Variants in PPP1R16A observed in about 807,000 individuals in gnomAD.
PPP1R16A encodes myosin phosphatase-targeting subunit 3.
A neutral mutation model predicts 46.6 loss-of-function variants in PPP1R16A; 39 were observed. That is an observed-to-expected ratio of 0.84 (90% CI 0.65 to 1.09). PPP1R16A has a LOEUF of 1.09. Ranked by LOEUF, PPP1R16A falls within the 50% of genes least tolerant of loss-of-function variation. The pLI, the probability that PPP1R16A is intolerant of heterozygous loss-of-function variation, is 0.00. For missense variants in PPP1R16A, 798 were observed against 735.6 expected (o/e 1.08, Z -0.98); for synonymous variants, 413 against 321.5 (o/e 1.28, Z -3.04).
chr8:144,498,100 A>G, intron 3 of PPP1R16A: 1 of 456,158 alleles, frequency 2.2e-6, no homozygotes, highest in Non-Finnish European at 4.4e-6. Flanking sequence ...GCAGAGAGTA[A>G]AGAGGAGCCG....
Position 144,498,756 on chromosome 8 carries a change from C to T in PPP1R16A, c.260-14C>T. On this transcript the variant is annotated splice_polypyrimidine_tract_variant and intron_variant, in intron 3 of 11. Transcript: ENST00000435887. ...GGGGCAGGACCCTGTCCTCACCTCGCCACCTTTTTGCAGTCCGCCAGTTCC... is the reference window on the plus strand; with the variant it reads ...GGGGCAGGACCCTGTCCTCACCTCGTCACCTTTTTGCAGTCCGCCAGTTCC... The T allele has an allele frequency of 1.3e-6, 2 of 1,569,460 alleles. No individual in the cohort carries two copies. Among genetic ancestry groups the T allele is most frequent in the Non-Finnish European group, 8.7e-7 (1 of 1,151,354 alleles).
At position 144,501,936 on chromosome 8, in the gene PPP1R16A, G is replaced by C; in HGVS notation, c.*33G>C. ...GCTCAGCATGCAGGGGCCCTGTCGC[G>C]GGCACAGCCCAAGGCTGCCTCCCCA... On this transcript the variant is annotated 3_prime_UTR_variant, in exon 12 of 12. Transcript: ENST00000435887. The C allele has an allele frequency of 1.3e-6, 2 of 1,484,634 alleles. No homozygotes were observed. Among genetic ancestry groups the C allele is most frequent in the East Asian group, 2.5e-5 (1 of 40,420 alleles). The allele number at this position is 1,484,634 out of a possible 1,614,324, so 92.0% of individuals were successfully genotyped here.
intron 5 of PPP1R16A, chr8:144,499,717 C>T: frequency 4.2e-6 from 1 of 240,320 alleles, no homozygotes; most frequent in Non-Finnish European, 8.1e-6. Context: ...CACCGCCCTT[C>T]TTCCCTGGGG....
chr8:144,481,588 G>A (rs1439526602), intron 1 of PPP1R16A, among the ~76,000 whole-genome samples: 1 of 151,872 alleles, frequency 6.6e-6, no homozygotes, highest in Non-Finnish European at 1.5e-5. Flanking sequence ...AGGTTGCGGT[G>A]AGCCGAGATC....
At chr8:144,491,170 T>C (rs757342545) in intron 2 of PPP1R16A, among the ~76,000 whole-genome samples, 8 of 152,212 alleles carry the variant, frequency 5.3e-5, no homozygotes, top group Non-Finnish European at 8.8e-5. Context: ...CATTCTCCCA[T>C]GGACATTGAG....
chr8:144,498,164 G>A (rs1401262277), intron 3 of PPP1R16A: 1 of 440,202 alleles, frequency 2.3e-6, no homozygotes, highest in Non-Finnish European at 4.6e-6. Context: ...CGGGAGGCCT[G>A]GAGGCAGAGG....
chr8:144,479,353 G>C (rs1564755605), intron 1 of PPP1R16A: 2 of 152,892 alleles, frequency 1.3e-5, no homozygotes, highest in Non-Finnish European at 2.9e-5. Flanking sequence ...AGTCCCCCGG[G>C]CTGGGGTTGG....
intron 1 of PPP1R16A, among the ~76,000 whole-genome samples, chr8:144,485,003 G>A (rs1055167): frequency 0.39 from 59,007 of 151,830 alleles, 13,048 homozygotes; most frequent in South Asian, 0.53. Context: ...CGTGGCTCAC[G>A]CCTGTCATCC....
At position 144,500,836 on chromosome 8, in the gene PPP1R16A, T is replaced by G. The variant is rs1215296010; in HGVS notation, c.908-6T>G. 1 of 1,584,796 alleles carries G rather than the reference T, an allele frequency of 6.3e-7. No homozygotes were observed. Among genetic ancestry groups the G allele is most frequent in the Non-Finnish European group, 8.6e-7 (1 of 1,166,772 alleles). ...GGCGCCCCTGACGCCTGCGCCCACTTCTCAGATGTGTGCGGGGACGAGGAG... is the reference window on the plus strand; with the variant it reads ...GGCGCCCCTGACGCCTGCGCCCACTGCTCAGATGTGTGCGGGGACGAGGAG... On this transcript the variant is annotated splice_region_variant and splice_polypyrimidine_tract_variant and intron_variant, in intron 9 of 11. Coordinates refer to ENST00000435887, the MANE Select transcript of PPP1R16A (RefSeq NM_001329443.2).
At chr8:144,497,548 C>T (rs1296200420) in intron 3 of PPP1R16A, 95 bp downstream of exon 3, 1 of 1,534,784 alleles carries the variant, frequency 6.5e-7, no homozygotes, top group South Asian at 1.1e-5. Flanking sequence ...CTGGGCCTGT[C>T]CACAGCTCCT....
Position 144,500,405 on chromosome 8 carries a change from G to T in PPP1R16A, c.705+14G>T. The T allele has an allele frequency of 6.6e-7, 1 of 1,520,392 alleles. No homozygotes were observed. The highest frequency in any genetic ancestry group is 2.5e-5 in the East Asian group (1 of 40,704). The allele number at this position is 1,520,392 out of a possible 1,614,324, so 94.2% of individuals were successfully genotyped here. On this transcript the variant is annotated intron_variant, in intron 7 of 11. Transcript: ENST00000435887. ...GGGGCCACGCTGGTGAGGGCTGGGG[G>T]GTGAGGGGCACACGGGGCTGGGGGC... is the stretch of plus-strand genomic sequence containing the variant.
chr8:144,501,655 C>T lies in PPP1R16A; in HGVS notation c.1339C>T (p.Leu447=). Residue 447 remains leucine, a synonymous_variant, in exon 12 of 12, where the codon CTG becomes TTG. Coordinates refer to ENST00000435887, the MANE Select transcript of PPP1R16A (RefSeq NM_001329443.2). ...SPLDSTTPHT[L]VHDKAHHTLA... ...CCTGGACAGCACCACCCCCCACACC[C>T]TGGTCCACGACAAGGCCCACCACAC... 2 of 1,610,884 alleles carry T rather than the reference C, an allele frequency of 1.2e-6. No individual in the cohort carries two copies. The highest frequency in any genetic ancestry group is 2.2e-5 in the East Asian group (1 of 44,604).
rs1261910248 is a variant in PPP1R16A, at chr8:144,501,260, A to G, written c.1169A>G (p.Gln390Arg). The G allele has an allele frequency of 6.2e-7, 1 of 1,601,160 alleles. No individual in the cohort carries two copies. Among genetic ancestry groups the G allele is most frequent in the East Asian group, 2.2e-5 (1 of 44,616 alleles). ...CCGCCCGAGGACAACGATGACCGCC[A>G]GACAGGCGCAGAGCTCAGGCCGCCG... ...PEPPEDNDDR[Q>R]TGAELRPPPP... is the part of the protein sequence containing the mutation. Residue 390 changes from glutamine to arginine, a missense_variant, in exon 11 of 12, where the codon CAG (glutamine) becomes CGG (arginine). Gln to Arg is a conservative substitution (Grantham distance 43). Coordinates refer to ENST00000435887, the MANE Select transcript of PPP1R16A (RefSeq NM_001329443.2).
chr8:144,482,840 G>A (rs1486701360), intron 1 of PPP1R16A, among the ~76,000 whole-genome samples: 1 of 152,080 alleles, frequency 6.6e-6, no homozygotes, highest in Non-Finnish European at 1.5e-5. Flanking sequence ...GTAGAGACGG[G>A]TTTCACCATG....
rs756534929 is a variant in PPP1R16A at position 144,499,012 on chromosome 8, GCTGCGGCCAC to G, written c.442_451del (p.Gly148ThrfsTer108). The stretch of plus-strand genomic sequence containing the variant: ...CAGTGAGTGCTGGACGCCTCTGCAT[GCTGCGGCCAC>G]CTGCGGCCACCTGCACCTGGTGGAG... On this transcript the variant is annotated frameshift_variant, in exon 5 of 12. Transcript: ENST00000435887. LOFTEE classifies it high-confidence loss of function. 6.2e-5 allele frequency: 99 copies of G among 1,594,970 alleles called. No homozygotes were observed. The highest frequency in any genetic ancestry group is 7.7e-5 in the South Asian group (7 of 90,738).
intron 2 of PPP1R16A, among the ~76,000 whole-genome samples, chr8:144,494,399 A>G (rs2130399763): frequency 6.6e-6 from 1 of 151,610 alleles, no homozygotes; most frequent in African/African-American, 2.4e-5. Context: ...TGCAGCCTCT[A>G]CCTCCCGGGC....
intron 1 of PPP1R16A, among the ~76,000 whole-genome samples, chr8:144,488,327 A>G (rs1362643481): frequency 1.3e-5 from 2 of 152,182 alleles, no homozygotes; most frequent in Non-Finnish European, 2.9e-5. Context: ...AGGCAAGGGA[A>G]GCAGATTTCT....
rs1410733459 is a variant in PPP1R16A, at chr8:144,492,841, C to A, written c.-735+2629C>A. On this transcript the variant is annotated intron_variant, in intron 2 of 11. Transcript: ENST00000435887. ...TTTTCTTTCTTTGAATGGCATGCGGCCTCTACCTGTCCCTTGTCCCTATCT... is the reference window on the plus strand; with the variant it reads ...TTTTCTTTCTTTGAATGGCATGCGGACTCTACCTGTCCCTTGTCCCTATCT... 2.0e-5 allele frequency among the ~76,000 whole-genome samples: 3 copies of A among 152,178 alleles called. No homozygotes were observed. The East Asian group carries it at 5.8e-4, about 29-fold the overall frequency.
chr8:144,487,194 G>T (rs1296128494), intron 1 of PPP1R16A, among the ~76,000 whole-genome samples: 8 of 152,012 alleles, frequency 5.3e-5, no homozygotes, highest in Admixed American at 5.2e-4. Flanking sequence ...TCACCCTGTT[G>T]GTCTCGAACT....
Sources: allele counts gnomAD v4.1 joint callset (sites outside exome capture counted in the v4.1 genomes callset), GRCh38; gene constraint gnomAD v4.1.1; transcripts MANE v1.5; gene names NCBI Gene and HGNC (gene_info 2026-07-23, HGNC 2026-07-21).